The following GPC5 variants were observed in gnomAD, a reference collection of about 807,000 sequenced individuals.
The protein encoded by GPC5 is glypican 5, also known as glypican-5.
GPC5 carries 47 observed loss-of-function variants against 53.9 expected under a neutral mutation model. The observed-to-expected ratio is 0.87, with a 90% CI of 0.69 to 1.11. GPC5 has a LOEUF of 1.11. GPC5 is among the 50% of genes most tolerant of loss of function. GPC5 has a pLI of 0.00. For missense variants in GPC5, 748 were observed against 713.1 expected (o/e 1.05, Z -0.56); for synonymous variants, 286 against 263.3 (o/e 1.09, Z -0.84).
intron 7 of GPC5, among the ~76,000 whole-genome samples, chr13:92,768,462 T>C (rs1203368101): frequency 1.3e-5 from 2 of 152,196 alleles, no homozygotes; most frequent in Non-Finnish European, 2.9e-5. Context: ...TTGAAATTCT[T>C]CGTTTTTATC....
At chr13:92,518,667 C>A (rs1880893045) in intron 7 of GPC5, among the ~76,000 whole-genome samples, 1 of 152,130 alleles carries the variant, frequency 6.6e-6, no homozygotes, top group Non-Finnish European at 1.5e-5. Flanking sequence ...ACAGCCACTG[C>A]AAAAACATGA....
intron 7 of GPC5, among the ~76,000 whole-genome samples, chr13:92,502,661 G>A (rs1021210070): frequency 1.8e-4 from 27 of 152,030 alleles, no homozygotes; most frequent in African/African-American, 6.0e-4. Flanking sequence ...CAATCCCAAT[G>A]TGTATGAACC....
chr13:92,468,760 T>C (rs1878798941), intron 7 of GPC5, among the ~76,000 whole-genome samples: 1 of 152,116 alleles, frequency 6.6e-6, no homozygotes, highest in South Asian at 2.1e-4. Flanking sequence ...CACTTTCACT[T>C]TTTTTGCACC....
chr13:91,441,622 A>G (rs940982031), intron 1 of GPC5, among the ~76,000 whole-genome samples: 1 of 152,178 alleles, frequency 6.6e-6, no homozygotes, highest in African/African-American at 2.4e-5. Flanking sequence ...TTCCAGCAGG[A>G]GGCACAGAGG....
intron 7 of GPC5, chr13:92,659,218 G>C (rs1198303515): frequency 6.6e-6 from 1 of 151,974 alleles, no homozygotes; most frequent in African/African-American, 2.4e-5. Context: ...GTGAGCCACC[G>C]CGCCCGGCCT....
chr13:91,648,782 C>T (rs2034625031), intron 2 of GPC5, among the ~76,000 whole-genome samples: 1 of 152,174 alleles, frequency 6.6e-6, no homozygotes, highest in African/African-American at 2.4e-5. Context: ...CTTTCCTGTG[C>T]CAGGCATTGT....
At chr13:92,036,331 T>C (rs2040893034) in intron 6 of GPC5, among the ~76,000 whole-genome samples, 1 of 152,232 alleles carries the variant, frequency 6.6e-6, no homozygotes, top group Non-Finnish European at 1.5e-5. Context: ...TTTTATGGGA[T>C]AGTGTTATAA....
chr13:91,410,609 G>A (rs575938843), intron 1 of GPC5, among the ~76,000 whole-genome samples: 51 of 152,052 alleles, frequency 3.4e-4, no homozygotes, highest in African/African-American at 7.7e-4. Flanking sequence ...GCCTCCCAAA[G>A]AGCTGGGATT....
intron 5 of GPC5, among the ~76,000 whole-genome samples, chr13:91,840,104 C>T (rs1190443074): frequency 6.6e-6 from 1 of 152,008 alleles, no homozygotes; most frequent in Non-Finnish European, 1.5e-5. Context: ...CTCTATTTAA[C>T]TGACAGGGTC....
rs564288821 is a variant in GPC5, at chr13:92,282,099, T to G, written c.1561+137110T>G. ...CATGGCACGAGAACTATGTGACGAA[T>G]GCACAAGCTTCAGTAGCCGATTCGA... is the stretch of plus-strand genomic sequence containing the variant. On this transcript the variant is annotated intron_variant, in intron 7 of 7. Coordinates refer to ENST00000377067, the MANE Select transcript of GPC5 (RefSeq NM_004466.6). 1.5e-4 allele frequency among the ~76,000 whole-genome samples: 23 copies of G among 152,242 alleles called. 1 individual carries two copies. The South Asian group carries it at 4.1e-3, about 27-fold the overall frequency.
rs1467612268 is a variant in GPC5 at position 91,576,354 on chromosome 13, A to C, written c.326-116833A>C. Among the ~76,000 whole-genome samples, 4 of 152,010 alleles carry C rather than the reference A, an allele frequency of 2.6e-5. No homozygotes were observed. The East Asian group carries it at 7.7e-4, about 29-fold the overall frequency. On this transcript the variant is annotated intron_variant, in intron 2 of 7. Transcript: ENST00000377067. Reference sequence around the variant, plus strand: ...ATATATATATTGAAATCTGTTGTACACCACAAATATATATAATTTTACTTA... The same window carrying C: ...ATATATATATTGAAATCTGTTGTACCCCACAAATATATATAATTTTACTTA...
intron 7 of GPC5, among the ~76,000 whole-genome samples, chr13:92,394,863 A>G (rs1416564728): frequency 6.6e-6 from 1 of 152,154 alleles, no homozygotes; most frequent in African/African-American, 2.4e-5. Flanking sequence ...TAACTTTTTA[A>G]CCCAAAGCTT....
intron 6 of GPC5, among the ~76,000 whole-genome samples, chr13:91,976,102 C>T (rs1316705295): frequency 6.6e-6 from 1 of 151,906 alleles, no homozygotes; most frequent in African/African-American, 2.4e-5. Flanking sequence ...AGGGGAACAT[C>T]ACGCTCTGGG....
chr13:92,354,228 A>G (rs1303846660), intron 7 of GPC5, among the ~76,000 whole-genome samples: 2 of 152,216 alleles, frequency 1.3e-5, no homozygotes, highest in Admixed American at 1.3e-4. Context: ...GTACTGATAT[A>G]CTTTTCCACA....
chr13:92,031,728 ATTACATATT>A (rs2040845447), intron 6 of GPC5, among the ~76,000 whole-genome samples: 1 of 70,794 alleles, frequency 1.4e-5, no homozygotes, highest in Non-Finnish European at 2.5e-5. Context: ...TATGTAATAT[ATTACATATT>A]ATATATAATA....
intron 6 of GPC5, among the ~76,000 whole-genome samples, chr13:91,987,278 C>G (rs757797097): frequency 6.6e-6 from 1 of 152,118 alleles, no homozygotes; most frequent in Non-Finnish European, 1.5e-5. Context: ...CATGCTTCTT[C>G]CCTGCCTCTC....
chr13:92,597,810 T>C (rs1051081586), intron 7 of GPC5, among the ~76,000 whole-genome samples: 2 of 152,224 alleles, frequency 1.3e-5, no homozygotes, highest in Admixed American at 1.3e-4. Context: ...TAAAATACTT[T>C]TTACTGTGGC....
chr13:91,804,146 T>A lies in GPC5; in HGVS notation c.1280+47726T>A, dbSNP rs554578821. On this transcript the variant is annotated intron_variant, in intron 5 of 7. Coordinates refer to ENST00000377067, the MANE Select transcript of GPC5 (RefSeq NM_004466.6). ...AAATCAACTTGACCCTAGGCTTCCT[T>A]GTACCATGAACAAAATATATTTGGG... Among the ~76,000 whole-genome samples the A allele has an allele frequency of 3.9e-5, 6 of 152,338 alleles. No homozygotes were observed. The East Asian group carries it at 1.2e-3, about 29-fold the overall frequency.
In GPC5 at chr13:92,539,195, G is replaced by T. The variant is rs141354220; in HGVS notation, c.1562-327087G>T. Among the ~76,000 whole-genome samples, 960 of 151,342 alleles carry T rather than the reference G, an allele frequency of 6.3e-3. 10 individuals carry two copies. Among genetic ancestry groups the T allele is most frequent in the African/African-American group, 0.022 (918 of 41,246 alleles). On this transcript the variant is annotated intron_variant, in intron 7 of 7. Coordinates refer to ENST00000377067, the MANE Select transcript of GPC5 (RefSeq NM_004466.6). ...CCTTTGGGTATATACTCAGTAATGG[G>T]ATCTCTGGTCAAATGGTATATCTAG...
Sources: allele counts gnomAD v4.1 joint callset (sites outside exome capture counted in the v4.1 genomes callset), GRCh38; gene constraint gnomAD v4.1.1; transcripts MANE v1.5; gene names NCBI Gene and HGNC (gene_info 2026-07-23, HGNC 2026-07-21).